ANKRD17: variants seen among roughly 807,000 people sequenced by gnomAD.
ANKRD17 encodes ankyrin repeat domain 17, also known as ankyrin repeat domain-containing protein 17.
In ANKRD17, 19 loss-of-function variants were observed where a neutral mutation model predicts 229.7. The ratio of observed to expected loss-of-function variants is 0.08; its 90% CI spans 0.06 to 0.12. The LOEUF (loss-of-function observed/expected upper bound fraction) is 0.12, where lower values mean the gene tolerates loss of function less well. Among genes scored for constraint, ANKRD17 ranks in the 10% least tolerant of loss-of-function variants. The pLI, the probability that ANKRD17 is intolerant of heterozygous loss-of-function variation, is 1.00. For missense variants in ANKRD17, 2,176 were observed against 3,176.8 expected, an observed-to-expected ratio of 0.68 and a Z score of 7.57; for synonymous variants, 1,112 against 1,146.1, an observed-to-expected ratio of 0.97 and a Z score of 0.60.
At chr4:73,138,033 T>C (rs908423746) in intron 15 of ANKRD17, among the ~76,000 whole-genome samples, 1 of 152,294 alleles carries the variant, frequency 6.6e-6, no homozygotes, top group East Asian at 1.9e-4. Context: ...TTAAAGTGGA[T>C]ACGTAATATT....
At chr4:73,242,152 C>A (rs1744098989) in intron 1 of ANKRD17, among the ~76,000 whole-genome samples, 2 of 151,904 alleles carry the variant, frequency 1.3e-5, no homozygotes, top group African/African-American at 4.8e-5. Flanking sequence ...AATAAGAGAA[C>A]AAAAACAAAC....
intron 1 of ANKRD17, among the ~76,000 whole-genome samples, chr4:73,185,225 T>C (rs866109838): frequency 6.6e-6 from 1 of 151,236 alleles, no homozygotes; most frequent in Middle Eastern, 3.4e-3. Flanking sequence ...ATAAAAAATA[T>C]TTATTATTGT....
chr4:73,146,665 A>T, intron 10 of ANKRD17, 99 bp downstream of exon 10: 1 of 870,504 alleles, frequency 1.1e-6, no homozygotes, highest in Non-Finnish European at 1.7e-6. Context: ...AAAAACAATA[A>T]AACTGAAGGT....
intron 1 of ANKRD17, among the ~76,000 whole-genome samples, chr4:73,217,516 CTTTTT>C (rs928089847): frequency 7.4e-5 from 11 of 148,104 alleles, no homozygotes; most frequent in Admixed American, 6.1e-4. Context: ...AAATCCAAAA[CTTTTT>C]TTTTTTAATT....
At chr4:73,189,259 T>C (rs1289067818) in intron 1 of ANKRD17, among the ~76,000 whole-genome samples, 2 of 152,096 alleles carry the variant, frequency 1.3e-5, no homozygotes, top group East Asian at 1.9e-4. Context: ...TTAGTAGTAG[T>C]ATAAAAGACA....
At chr4:73,190,574 AC>A (rs960694617) in intron 1 of ANKRD17, among the ~76,000 whole-genome samples, 40 of 151,060 alleles carry the variant, frequency 2.6e-4, no homozygotes, top group South Asian at 1.1e-3. Flanking sequence ...CAAAAAAAAA[AC>A]AAAAAAAACC....
intron 29 of ANKRD17, among the ~76,000 whole-genome samples, chr4:73,090,448 G>T (rs749184219): frequency 7.9e-5 from 12 of 152,076 alleles, no homozygotes; most frequent in Non-Finnish European, 1.3e-4. Flanking sequence ...CTGATCAGAA[G>T]ACTTATTTAT....
intron 2 of ANKRD17, among the ~76,000 whole-genome samples, chr4:73,172,807 A>G (rs1269345138): frequency 1.3e-5 from 2 of 152,224 alleles, no homozygotes; most frequent in Admixed American, 6.5e-5. Context: ...ATCAAAAAAC[A>G]TACAATAGAT....
chr4:73,106,609 G>A lies in ANKRD17; in HGVS notation c.4402-4062C>T, dbSNP rs906510280. ...TTAAAAAAATACGCGGGCTGGGCAC[G>A]GTGGCTCACGCCTGTAATCCCAGCA... On this transcript the variant is annotated intron_variant, in intron 24 of 33. Coordinates refer to ENST00000358602, the MANE Select transcript of ANKRD17 (RefSeq NM_032217.5). 5.3e-5 allele frequency among the ~76,000 whole-genome samples: 8 copies of A among 152,132 alleles called. No individual in the cohort carries two copies. In the South Asian group the frequency reaches 6.2e-4, roughly 12 times the overall value.
intron 25 of ANKRD17, among the ~76,000 whole-genome samples, chr4:73,099,675 C>T (rs1214864858): frequency 6.6e-6 from 1 of 152,206 alleles, no homozygotes; most frequent in Non-Finnish European, 1.5e-5. Context: ...CCAGGATTCC[C>T]CCAGCCAAAC....
At chr4:73,131,536 C>T (rs1044318250) in intron 16 of ANKRD17, among the ~76,000 whole-genome samples, 5 of 152,138 alleles carry the variant, frequency 3.3e-5, no homozygotes, top group Admixed American at 2.0e-4. Context: ...GCAGTGGACA[C>T]GTTTCTGTGA....
At chr4:73,235,799 G>A (rs7679277) in intron 1 of ANKRD17, among the ~76,000 whole-genome samples, 33,383 of 151,820 alleles carry the variant, frequency 0.22, 4,794 homozygotes, top group African/African-American at 0.4. Flanking sequence ...TTCTAAGTCA[G>A]GATTCCAATA....
chr4:73,198,208 T>C lies in ANKRD17; in HGVS notation c.394-20675A>G, dbSNP rs150727652. Among the ~76,000 whole-genome samples the C allele has an allele frequency of 4.6e-5, 7 of 152,290 alleles. No homozygotes were observed. In the East Asian group the frequency reaches 1.3e-3, roughly 29 times the overall value. ...CATTATAGAAGCATTAAATACAGAA[T>C]AGTTTTACTAAAATATCACTGACTT... On this transcript the variant is annotated intron_variant, in intron 1 of 33. Coordinates refer to ENST00000358602, the MANE Select transcript of ANKRD17 (RefSeq NM_032217.5).
intron 1 of ANKRD17, among the ~76,000 whole-genome samples, chr4:73,219,106 A>T (rs1401952517): frequency 6.6e-6 from 1 of 152,164 alleles, no homozygotes; most frequent in Non-Finnish European, 1.5e-5. Context: ...TCTCAACTTG[A>T]TTCCAAAACT....
chr4:73,116,495 A>G (rs1725973346), intron 22 of ANKRD17, among the ~76,000 whole-genome samples: 1 of 152,190 alleles, frequency 6.6e-6, no homozygotes, highest in Admixed American at 6.5e-5. Context: ...CACTTTGTCT[A>G]GCCCATACTG....
chr4:73,104,424 TG>T, intron 24 of ANKRD17, among the ~76,000 whole-genome samples: 1 of 152,332 alleles, frequency 6.6e-6, no homozygotes, highest in East Asian at 1.9e-4. Context: ...GCTTTGATTT[TG>T]TGGAACAGGT....
chr4:73,173,265 AC>A (rs1676022266), intron 2 of ANKRD17, among the ~76,000 whole-genome samples: 1 of 152,250 alleles, frequency 6.6e-6, no homozygotes, highest in African/African-American at 2.4e-5. Flanking sequence ...AATTTTAAAT[AC>A]ATATGCACCT....
chr4:73,236,593 A>G lies in ANKRD17; in HGVS notation c.393+21683T>C, dbSNP rs138171380. The stretch of plus-strand genomic sequence containing the variant: ...AAATGTTGGAGGAGAATAGGTCTAC[A>G]TTTTTCATTATAATCTAACTAAAGT... On this transcript the variant is annotated intron_variant, in intron 1 of 33. Coordinates refer to ENST00000358602, the MANE Select transcript of ANKRD17 (RefSeq NM_032217.5). 3.0e-3 allele frequency among the ~76,000 whole-genome samples: 458 copies of G among 152,236 alleles called. 2 individuals are homozygous for G. The highest frequency in any genetic ancestry group is 0.016 in the South Asian group (77 of 4,828).
chr4:73,251,099 C>A (rs1744983632), intron 1 of ANKRD17, among the ~76,000 whole-genome samples: 1 of 152,020 alleles, frequency 6.6e-6, no homozygotes, highest in African/African-American at 2.4e-5. Context: ...AGTGAGACGC[C>A]ATCTCTACAC....
Sources: allele counts gnomAD v4.1 joint callset (sites outside exome capture counted in the v4.1 genomes callset), GRCh38; gene constraint gnomAD v4.1.1; transcripts MANE v1.5; gene names NCBI Gene and HGNC (gene_info 2026-07-23, HGNC 2026-07-21).